CXXC5: variants seen among roughly 807,000 people sequenced by gnomAD.
CXXC5 encodes CXXC-type zinc finger protein 5.
CXXC5 carries 2 observed loss-of-function variants against 17.6 expected under a neutral mutation model. The observed-to-expected ratio is 0.11, with a 90% CI of 0.05 to 0.36. CXXC5 has a LOEUF of 0.36. Among genes scored for constraint, CXXC5 ranks in the 10% least tolerant of loss-of-function variants. The probability of loss-of-function intolerance (pLI) is 1.00; values close to 1 mark genes in which losing one functional copy is unlikely to be tolerated. For synonymous variants in CXXC5, 171 were observed against 193.0 expected (o/e 0.89, Z 0.94); for missense variants, 343 against 458.3 (o/e 0.75, Z 2.30).
chr5:139,654,232 C>T (rs1247031385), intron 1 of CXXC5, among the ~76,000 whole-genome samples: 1 of 152,162 alleles, frequency 6.6e-6, no homozygotes, highest in African/African-American at 2.4e-5. Flanking sequence ...CCAATTGAAC[C>T]ACTGAGCTCC....
At chr5:139,654,379 T>G (rs1208194654) in intron 1 of CXXC5, among the ~76,000 whole-genome samples, 2 of 152,206 alleles carry the variant, frequency 1.3e-5, no homozygotes, top group Admixed American at 6.5e-5. Context: ...AGTTGTGTTA[T>G]CTCTACAAAC....
intron 1 of CXXC5, among the ~76,000 whole-genome samples, chr5:139,654,140 C>G (rs1755364816): frequency 6.6e-6 from 1 of 152,212 alleles, no homozygotes; most frequent in Non-Finnish European, 1.5e-5. Context: ...CTCTCCCATC[C>G]TCAAAGCAGT....
At chr5:139,669,466 G>C (rs963402084) in intron 1 of CXXC5, among the ~76,000 whole-genome samples, 1 of 151,786 alleles carries the variant, frequency 6.6e-6, no homozygotes, top group East Asian at 2.0e-4. Context: ...GCGCCCCTCC[G>C]CCATCTGCAA....
intron 2 of CXXC5, among the ~76,000 whole-genome samples, chr5:139,682,506 G>A (rs964785310): frequency 6.6e-6 from 1 of 152,160 alleles, no homozygotes; most frequent in African/African-American, 2.4e-5. Context: ...AGCATAGCAC[G>A]AGGCACACAC....
rs1000071704 is a variant in CXXC5 at position 139,663,996 on chromosome 5, T to A, written c.-161+15151T>A. Among the ~76,000 whole-genome samples the A allele has an allele frequency of 1.8e-4, 28 of 152,184 alleles. No homozygotes were observed. Among genetic ancestry groups the A allele is most frequent in the Admixed American group, 1.3e-3 (20 of 15,284 alleles). ...CTTGGACCCTGGCATGGCCTGAGCC[T>A]GTGTCTCTGAGATGAGGGGCTCCCC... On this transcript the variant is annotated intron_variant, in intron 1 of 2. Coordinates refer to ENST00000302517, the MANE Select transcript of CXXC5 (RefSeq NM_016463.9). The surrounding 1 kb of genome is among the most constrained non-coding windows in gnomAD (Gnocchi z 4.2).
intron 1 of CXXC5, among the ~76,000 whole-genome samples, chr5:139,674,604 G>A (rs867562544): frequency 1.5e-4 from 23 of 152,356 alleles, no homozygotes; most frequent in Middle Eastern, 6.8e-3. Context: ...CCTGCCCTTG[G>A]TAGTGGTGAT....
At chr5:139,657,955 G>A (rs1279690196) in intron 1 of CXXC5, among the ~76,000 whole-genome samples, 2 of 151,968 alleles carry the variant, frequency 1.3e-5, no homozygotes, top group African/African-American at 2.4e-5. Context: ...ACTCTGGTGC[G>A]GGCTGACTTC....
chr5:139,652,421 G>GC (rs1352826216), intron 1 of CXXC5, among the ~76,000 whole-genome samples: 3 of 151,724 alleles, frequency 2.0e-5, no homozygotes, highest in African/African-American at 7.3e-5. Context: ...AGAAAGGACT[G>GC]CCCCCTAAAG....
intron 1 of CXXC5, among the ~76,000 whole-genome samples, chr5:139,655,383 A>G (rs904446663): frequency 6.6e-6 from 1 of 151,678 alleles, no homozygotes; most frequent in Non-Finnish European, 1.5e-5. Context: ...ATGGCCCTTC[A>G]AGCCGGCCCC....
At chr5:139,654,862 G>A (rs1755402098) in intron 1 of CXXC5, among the ~76,000 whole-genome samples, 1 of 152,216 alleles carries the variant, frequency 6.6e-6, no homozygotes, top group Non-Finnish European at 1.5e-5. Flanking sequence ...GACTGACCCA[G>A]GTGGTGAAGC....
intron 1 of CXXC5, among the ~76,000 whole-genome samples, chr5:139,672,587 C>T (rs1040446019): frequency 2.0e-5 from 3 of 152,136 alleles, no homozygotes; most frequent in Non-Finnish European, 2.9e-5. Flanking sequence ...AGTGACTGAT[C>T]TCGGCCTCTG....
At chr5:139,672,123 A>T (rs570603999) in intron 1 of CXXC5, among the ~76,000 whole-genome samples, 25 of 151,686 alleles carry the variant, frequency 1.6e-4, no homozygotes, top group Non-Finnish European at 3.4e-4. Flanking sequence ...TTGTTTGTTT[A>T]TTTATTGTTT....
intron 1 of CXXC5, among the ~76,000 whole-genome samples, chr5:139,679,285 T>C (rs545957044): frequency 6.6e-6 from 1 of 152,178 alleles, no homozygotes; most frequent in Non-Finnish European, 1.5e-5. Flanking sequence ...GAGGCCTGAG[T>C]AGAGACAAGA....
In CXXC5 at chr5:139,663,528, C is replaced by T. The variant is rs1755933433; in HGVS notation, c.-161+14683C>T. Among the ~76,000 whole-genome samples, 1 of 152,116 alleles carries T rather than the reference C, an allele frequency of 6.6e-6. No individual in the cohort carries two copies. The highest frequency in any genetic ancestry group is 2.1e-4 in the South Asian group (1 of 4,828). On this transcript the variant is annotated intron_variant, in intron 1 of 2. Transcript: ENST00000302517. This position sits in a 1 kb window ranked among gnomAD's most constrained non-coding sequence, Gnocchi z 4.2. ...AGCCTGGCCAGTGGGGTGCTACCCTCGTTGTAACCTTCAGGCTTCTACCAC... is the reference window on the plus strand; with the variant it reads ...AGCCTGGCCAGTGGGGTGCTACCCTTGTTGTAACCTTCAGGCTTCTACCAC...
At chr5:139,659,909 G>A (rs146025770) in intron 1 of CXXC5, among the ~76,000 whole-genome samples, 1 of 152,378 alleles carries the variant, frequency 6.6e-6, no homozygotes, top group Non-Finnish European at 1.5e-5. Context: ...CCCCCGGGAA[G>A]GCAGGGAGGA....
At chr5:139,660,221 G>A (rs573996729) in intron 1 of CXXC5, among the ~76,000 whole-genome samples, 3 of 152,344 alleles carry the variant, frequency 2.0e-5, no homozygotes, top group East Asian at 1.9e-4. Flanking sequence ...CGGGGAAGGG[G>A]GTGCCTTGTC....
At chr5:139,666,909 G>A (rs373259963) in intron 1 of CXXC5, among the ~76,000 whole-genome samples, 1 of 152,340 alleles carries the variant, frequency 6.6e-6, no homozygotes, top group African/African-American at 2.4e-5. Flanking sequence ...GAAGAATACA[G>A]GAGATGATAT....
intron 1 of CXXC5, among the ~76,000 whole-genome samples, chr5:139,653,394 G>A (rs1490872541): frequency 6.6e-6 from 1 of 152,306 alleles, no homozygotes; most frequent in South Asian, 2.1e-4. Flanking sequence ...TGGGAAGCCT[G>A]CCCCTATGCA....
intron 1 of CXXC5, among the ~76,000 whole-genome samples, chr5:139,659,942 G>A (rs1255764581): frequency 1.3e-5 from 2 of 152,222 alleles, no homozygotes; most frequent in Non-Finnish European, 2.9e-5. Context: ...TCAGAACAGC[G>A]GGTGCCCGCG....
Sources: allele counts gnomAD v4.1 joint callset (sites outside exome capture counted in the v4.1 genomes callset), GRCh38; gene constraint gnomAD v4.1.1; non-coding constraint Gnocchi (gnomAD v3.1); transcripts MANE v1.5; gene names NCBI Gene and HGNC (gene_info 2026-07-23, HGNC 2026-07-21).